Variants in NOM1 observed in about 807,000 individuals in gnomAD.
NOM1 encodes nucleolar protein with MIF4G domain 1.
A neutral mutation model predicts 73.3 loss-of-function variants in NOM1; 58 were observed. The observed-to-expected ratio is 0.79, with a 90% CI of 0.64 to 0.99. The LOEUF is 0.99. Ranked by LOEUF, NOM1 falls within the 50% of genes least tolerant of loss-of-function variation. The pLI, the probability that NOM1 is intolerant of heterozygous loss-of-function variation, is 0.00. For missense variants in NOM1, 1,226 were observed against 1,131.9 expected, an observed-to-expected ratio of 1.08 and a Z score of -1.19; for synonymous variants, 487 against 446.8, an observed-to-expected ratio of 1.09 and a Z score of -1.14.
Position 156,950,653 on chromosome 7 carries a change from A to T in NOM1, c.916A>T (p.Lys306Ter). 1 of 1,553,180 alleles carries T rather than the reference A, an allele frequency of 6.4e-7. No individual in the cohort carries two copies. Among genetic ancestry groups the T allele is most frequent in the Non-Finnish European group, 8.7e-7 (1 of 1,147,654 alleles). Reference sequence around the variant, plus strand: ...GGGAGCGCAGGAGAAAAGGAGGGGGAAGAGAGTCCGTTTTGCAGAAGATGA... The same window carrying T: ...GGGAGCGCAGGAGAAAAGGAGGGGGTAGAGAGTCCGTTTTGCAGAAGATGA... ...EKGAQEKRRG[K>*]RVRFAEDEEK... The change falls in exon 1 of 11, where the codon AAG (lysine) becomes TAG (stop). Residue 306 changes from lysine to a stop codon, truncating the protein, a stop_gained. Transcript: ENST00000275820. LOFTEE classifies it high-confidence loss of function.
chr7:156,971,880 C>G lies in NOM1; in HGVS notation c.*2177C>G, dbSNP rs1354838274. 6.6e-6 allele frequency: 1 copy of G among 152,240 alleles called. No individual in the cohort carries two copies. The highest frequency in any genetic ancestry group is 1.5e-5 in the Non-Finnish European group (1 of 68,038). The allele number at this position is 152,240 out of a possible 1,614,324, so 9.4% of individuals were successfully genotyped here. A position where few individuals can be genotyped will look rare whatever the true frequency, so the allele number is the denominator to read the frequency against. On this transcript the variant is annotated 3_prime_UTR_variant, in exon 11 of 11. Transcript: ENST00000275820. ...AAGCCAGATTCAAACCCTATGTCTT[C>G]TAGCAGGTTCTGAATTTAGAGGACA...
chr7:156,962,155 G>T lies in NOM1; in HGVS notation c.1637G>T (p.Arg546Leu). 6.2e-7 allele frequency: 1 copy of T among 1,613,316 alleles called. No individual in the cohort carries two copies. Among genetic ancestry groups the T allele is most frequent in the South Asian group, 1.1e-5 (1 of 91,046 alleles). The change falls in exon 5 of 11, where the codon CGG becomes CTG. Residue 546 changes from arginine (R) to leucine (L), a missense_variant. Physicochemically the swap from Arg to Leu is moderately radical, Grantham distance 102. Transcript: ENST00000275820. ...ATTTTTTCATTTTTCTTGAAGATTC[G>T]GTTTATGCTAGAGACGATGTTGGCC... ...GSEFQDQTRI[R>L]FMLETMLALK...
At chr7:156,962,097 G>A (rs1804878734) in intron 4 of NOM1, 54 bp from the exon 5 acceptor site, 21 of 1,455,976 alleles carry the variant, frequency 1.4e-5, no homozygotes, top group Non-Finnish European at 2.0e-5. Flanking sequence ...ACTTGAATGG[G>A]CCGTTTAGAC....
At chr7:156,962,400 G>C in intron 5 of NOM1, 139 bp downstream of exon 5, 1 of 693,118 alleles carries the variant, frequency 1.4e-6, no homozygotes, top group Non-Finnish European at 2.5e-6. Context: ...CAGAGTGAAC[G>C]CGGCTCGGTT....
rs1417189096 is a variant in NOM1, at chr7:156,951,143, T to C, written c.987+419T>C. Among the ~76,000 whole-genome samples, 3 of 152,284 alleles carry C rather than the reference T, an allele frequency of 2.0e-5. 1 individual carries two copies. Among genetic ancestry groups the C allele is most frequent in the Middle Eastern group, 6.8e-3 (2 of 294 alleles). On this transcript the variant is annotated intron_variant, in intron 1 of 10. Transcript: ENST00000275820. ...GCACTCCCTTAGATAAAGTCCAACA[T>C]TGAATTAAAGATAAAGGCTGAGGCG...
intron 1 of NOM1, 101 bp from the exon 2 acceptor site, chr7:156,952,373 C>T: frequency 8.0e-7 from 1 of 1,252,122 alleles, no homozygotes; most frequent in Non-Finnish European, 1.1e-6. Context: ...CAGCTTCCAC[C>T]AGTTCTTGGA....
chr7:156,969,052 T>C (rs747110931), intron 9 of NOM1, 35 bp from the exon 10 acceptor site: 3 of 1,165,044 alleles, frequency 2.6e-6, no homozygotes, highest in Admixed American at 1.8e-5. Flanking sequence ...GCTAAATCAG[T>C]GTAACTTTAT....
intron 3 of NOM1, among the ~76,000 whole-genome samples, chr7:156,955,580 A>C (rs4716446): frequency 0.78 from 118,385 of 152,114 alleles, 46,154 homozygotes; most frequent in Admixed American, 0.85. Flanking sequence ...AAGTCTAATT[A>C]CCTGGTGTAC....
chr7:156,969,848 T>G lies in NOM1; in HGVS notation c.*145T>G, dbSNP rs1805100133. On this transcript the variant is annotated 3_prime_UTR_variant, in exon 11 of 11. Transcript: ENST00000275820. ...TATTATATTTTGAGATTTTTTTTGATCTAAGGTTTTATTGTTTGTATTTCA... is the reference window on the plus strand; with the variant it reads ...TATTATATTTTGAGATTTTTTTTGAGCTAAGGTTTTATTGTTTGTATTTCA... 1.3e-6 allele frequency: 1 copy of G among 773,866 alleles called. No homozygotes were observed. Among genetic ancestry groups the G allele is most frequent in the African/African-American group, 1.8e-5 (1 of 55,934 alleles). The allele number at this position is 773,866 out of a possible 1,614,324, so 47.9% of individuals were successfully genotyped here.
In NOM1 at chr7:156,952,561, G is replaced by A; in HGVS notation, c.1075G>A (p.Glu359Lys). 4 of 1,614,162 alleles carry A rather than the reference G, an allele frequency of 2.5e-6. No individual in the cohort carries two copies. Among genetic ancestry groups the A allele is most frequent in the Non-Finnish European group, 3.4e-6 (4 of 1,180,008 alleles). ...GGACTTCAAGAAAAAGGAAGAACTA[G>A]AAAGGCTGAAGAAACATGTAAAAGG... Reference protein sequence around the residue: ...TVDFKKKEELERLKKHVKGLL... With the variant: ...TVDFKKKEELKRLKKHVKGLL... Residue 359 changes from glutamate (E) to lysine (K), a missense_variant, in exon 2 of 11, where the codon GAA becomes AAA. Coordinates refer to ENST00000275820, the MANE Select transcript of NOM1 (RefSeq NM_138400.2).
At position 156,949,950 on chromosome 7, in the gene NOM1, G is replaced by A. The variant is rs1346743078; in HGVS notation, c.213G>A (p.Pro71=). 5 of 1,541,870 alleles carry A rather than the reference G, an allele frequency of 3.2e-6. No homozygotes were observed. Among genetic ancestry groups the A allele is most frequent in the African/African-American group, 1.4e-5 (1 of 73,134 alleles). Residue 71 remains proline, a synonymous_variant, in exon 1 of 11, where the codon CCG becomes CCA. Coordinates refer to ENST00000275820, the MANE Select transcript of NOM1 (RefSeq NM_138400.2). ...GGGGTTGCGAGGGGCGCGGCGCCCC[G>A]GTGAGCTTTCGCCCGGGAGGGAGAA... ...APGGCEGRGA[P]VSFRPGGRKS... is the part of the protein sequence containing the mutation.
At chr7:156,966,797 A>ACT (rs1805009229) in intron 8 of NOM1, among the ~76,000 whole-genome samples, 164 bp from the exon 9 acceptor site, 1 of 152,188 alleles carries the variant, frequency 6.6e-6, no homozygotes, top group South Asian at 2.1e-4. Flanking sequence ...GCTGTTTGGG[A>ACT]CTATGCTCTA....
At chr7:156,966,207 G>T in intron 7 of NOM1, 63 bp from the exon 8 acceptor site, 1 of 1,594,430 alleles carries the variant, frequency 6.3e-7, no homozygotes, top group Non-Finnish European at 8.5e-7. Flanking sequence ...TCCCCTGAAA[G>T]GTATCAGCCA....
chr7:156,964,133 G>C, intron 7 of NOM1, 107 bp downstream of exon 7: 1 of 1,192,340 alleles, frequency 8.4e-7, no homozygotes, highest in Non-Finnish European at 1.2e-6. Context: ...TGCCTAGGGA[G>C]GACTGGGCTG....
intron 3 of NOM1, among the ~76,000 whole-genome samples, chr7:156,958,365 G>A (rs1210476259): frequency 3.3e-5 from 5 of 152,280 alleles, no homozygotes; most frequent in Admixed American, 6.5e-5. Context: ...ACTGCCATGC[G>A]TTGCTGTGTT....
At chr7:156,959,789 G>A in intron 3 of NOM1, 62 bp from the exon 4 acceptor site, 1 of 1,489,452 alleles carries the variant, frequency 6.7e-7, no homozygotes, top group Non-Finnish European at 9.3e-7. Context: ...AGTTCTGTGT[G>A]TTGAAGGAGA....
chr7:156,960,247 A>T, intron 4 of NOM1, 73 bp downstream of exon 4: 2 of 1,224,870 alleles, frequency 1.6e-6, no homozygotes, highest in Non-Finnish European at 2.3e-6. Context: ...AAAAATCAGT[A>T]TCTGGGGTAA....
chr7:156,952,878 C>T (rs1037681159), intron 2 of NOM1, among the ~76,000 whole-genome samples: 5 of 152,206 alleles, frequency 3.3e-5, no homozygotes, highest in Admixed American at 6.5e-5. Flanking sequence ...GTTCTTTGTC[C>T]GTCTAAGGAC....
chr7:156,951,447 C>T (rs1047069924), intron 1 of NOM1, among the ~76,000 whole-genome samples: 5 of 152,186 alleles, frequency 3.3e-5, no homozygotes, highest in African/African-American at 1.2e-4. Context: ...GGGCTGTCAT[C>T]TTGCATATTT....
Sources: gnomAD v4.1 joint callset for allele counts (sites outside exome capture counted in the v4.1 genomes callset) on GRCh38, gnomAD v4.1.1 for gene constraint, MANE v1.5 for transcripts, NCBI Gene and HGNC (gene_info 2026-07-23, HGNC 2026-07-21) for gene names.